Variants in LRFN5 observed in about 807,000 individuals in gnomAD.
The protein encoded by LRFN5 is leucine rich repeat and fibronectin type III domain containing 5.
In LRFN5, 24 loss-of-function variants were observed where a neutral mutation model predicts 45.6. That is an observed-to-expected ratio of 0.53 (90% CI 0.38 to 0.74). The LOEUF (loss-of-function observed/expected upper bound fraction) is 0.74, where lower values mean the gene tolerates loss of function less well. Ranked by LOEUF, LRFN5 falls within the 30% of genes least tolerant of loss-of-function variation. The probability of loss-of-function intolerance (pLI) is 0.00; values close to 1 mark genes in which losing one functional copy is unlikely to be tolerated. For missense variants in LRFN5, 776 were observed against 861.5 expected (o/e 0.90, Z 1.24); for synonymous variants, 340 against 313.8 (o/e 1.08, Z -0.88).
At chr14:41,675,589 C>G (rs921423625) in intron 1 of LRFN5, among the ~76,000 whole-genome samples, 4 of 151,742 alleles carry the variant, frequency 2.6e-5, no homozygotes, top group African/African-American at 7.3e-5. Context: ...AGAGGGAGAC[C>G]GTGGAAAGAG....
intron 2 of LRFN5, among the ~76,000 whole-genome samples, chr14:41,866,460 G>A (rs1889843813): frequency 1.3e-5 from 2 of 152,060 alleles, no homozygotes; most frequent in African/African-American, 2.4e-5. Context: ...CTTAGCATGA[G>A]ATAAAATCAC....
At chr14:41,809,765 T>C (rs1408871247) in intron 2 of LRFN5, among the ~76,000 whole-genome samples, 1 of 151,914 alleles carries the variant, frequency 6.6e-6, no homozygotes, top group African/African-American at 2.4e-5. Context: ...AGTGATAGCA[T>C]ATAGATTTAT....
chr14:41,829,558 G>T (rs1392745560), intron 2 of LRFN5, among the ~76,000 whole-genome samples: 1 of 151,600 alleles, frequency 6.6e-6, no homozygotes. Flanking sequence ...ATTAATGGTT[G>T]TGTTCCTCTT....
At chr14:41,779,339 G>T (rs916946035) in intron 2 of LRFN5, among the ~76,000 whole-genome samples, 4 of 151,732 alleles carry the variant, frequency 2.6e-5, no homozygotes, top group Admixed American at 2.0e-4. Flanking sequence ...TTTCATCATG[G>T]TGTATAATTT....
intron 1 of LRFN5, among the ~76,000 whole-genome samples, chr14:41,627,760 C>T: frequency 6.6e-6 from 1 of 152,126 alleles, no homozygotes; most frequent in East Asian, 1.9e-4. Flanking sequence ...TAATTATGTA[C>T]ATGAGTAATT....
chr14:41,757,270 A>G (rs540715041), intron 1 of LRFN5, among the ~76,000 whole-genome samples: 1 of 152,040 alleles, frequency 6.6e-6, no homozygotes, highest in South Asian at 2.1e-4. Flanking sequence ...GAGAACCACT[A>G]CTCTCTTCAA....
chr14:41,891,764 A>T lies in LRFN5; in HGVS notation c.1900A>T (p.Thr634Ser), dbSNP rs772629577. 3.1e-6 allele frequency: 5 copies of T among 1,614,058 alleles called. No individual in the cohort carries two copies. Among genetic ancestry groups the T allele is most frequent in the Non-Finnish European group, 4.2e-6 (5 of 1,180,028 alleles). ...TTTSALPPSW[T>S]SSTSVSQKQK... ...TACCTCTGCTTTGCCTCCTTCCTGGACTTCAAGCACTTCTGTGTCCCAAAA... is the reference window on the plus strand; with the variant it reads ...TACCTCTGCTTTGCCTCCTTCCTGGTCTTCAAGCACTTCTGTGTCCCAAAA... Residue 634 changes from threonine to serine, a missense_variant, in exon 4 of 6, where the codon ACT becomes TCT. By Grantham distance (58) the Thr-to-Ser change is moderately conservative. This residue lies in a region of LRFN5 where 465 missense variants were observed against 456.4 expected (regional missense o/e 1.02). Transcript: ENST00000298119.
At chr14:41,632,551 C>T (rs537724898) in intron 1 of LRFN5, among the ~76,000 whole-genome samples, 5 of 151,942 alleles carry the variant, frequency 3.3e-5, no homozygotes, top group Non-Finnish European at 5.9e-5. Context: ...TGCCGTGAGC[C>T]GAGATCGCAC....
rs1269395781 is a variant in LRFN5 at position 41,780,867 on chromosome 14, T to C, written c.-21+13838T>C. Among the ~76,000 whole-genome samples the C allele has an allele frequency of 2.6e-5, 4 of 152,134 alleles. No individual in the cohort carries two copies. In the East Asian group the frequency reaches 7.7e-4, roughly 29 times the overall value. On this transcript the variant is annotated intron_variant, in intron 2 of 5. Transcript: ENST00000298119. ...TTTATAGTACGGTTGCCCAAGTGTTTATAATATACATTTACCATAAATTAT... is the reference window on the plus strand; with the variant it reads ...TTTATAGTACGGTTGCCCAAGTGTTCATAATATACATTTACCATAAATTAT...
At chr14:41,613,180 A>G (rs1887814710) in intron 1 of LRFN5, among the ~76,000 whole-genome samples, 1 of 152,102 alleles carries the variant, frequency 6.6e-6, no homozygotes, top group Non-Finnish European at 1.5e-5. Context: ...GTTTTCATAG[A>G]CAATGTTTAA....
chr14:41,853,830 G>A (rs573386590), intron 2 of LRFN5, among the ~76,000 whole-genome samples: 1 of 152,230 alleles, frequency 6.6e-6, no homozygotes, highest in South Asian at 2.1e-4. Context: ...TTAGATACCA[G>A]CTAGAGGATT....
At chr14:41,761,224 A>G (rs750131091) in intron 1 of LRFN5, among the ~76,000 whole-genome samples, 17 of 151,544 alleles carry the variant, frequency 1.1e-4, no homozygotes, top group Non-Finnish European at 1.9e-4. Flanking sequence ...AGGTTTAAGT[A>G]TAAGTTGTTG....
intron 2 of LRFN5, among the ~76,000 whole-genome samples, chr14:41,808,861 C>T (rs1887642262): frequency 1.3e-5 from 2 of 152,070 alleles, no homozygotes. Context: ...TCCACTCCAG[C>T]TCCTAATCAC....
chr14:41,614,327 C>T (rs752251055), intron 1 of LRFN5, among the ~76,000 whole-genome samples: 153 of 151,856 alleles, frequency 1.0e-3, no homozygotes, highest in Non-Finnish European at 2.0e-3. Context: ...TTTGGAATCC[C>T]GCACTCAACA....
chr14:41,852,677 G>A (rs187221969), intron 2 of LRFN5, among the ~76,000 whole-genome samples: 31 of 151,906 alleles, frequency 2.0e-4, no homozygotes, highest in Admixed American at 2.0e-3. Flanking sequence ...TACCCATTAA[G>A]TTTTAAGCCC....
intron 2 of LRFN5, among the ~76,000 whole-genome samples, chr14:41,856,414 C>T (rs1053820960): frequency 7.9e-5 from 12 of 152,088 alleles, no homozygotes; most frequent in Non-Finnish European, 5.9e-5. Flanking sequence ...CTTCAAGGGG[C>T]TTCTATCTCT....
At chr14:41,814,884 A>G (rs1887863422) in intron 2 of LRFN5, among the ~76,000 whole-genome samples, 1 of 152,160 alleles carries the variant, frequency 6.6e-6, no homozygotes, top group African/African-American at 2.4e-5. Context: ...AAGCTTTGGT[A>G]TGAAGAAAGA....
At chr14:41,684,329 AAG>A (rs1882028582) in intron 1 of LRFN5, among the ~76,000 whole-genome samples, 1 of 152,042 alleles carries the variant, frequency 6.6e-6, no homozygotes, top group Non-Finnish European at 1.5e-5. Context: ...TTATAAAAGA[AAG>A]AGGTTTAACT....
intron 2 of LRFN5, among the ~76,000 whole-genome samples, chr14:41,867,030 T>C (rs574536217): frequency 6.6e-5 from 10 of 152,172 alleles, no homozygotes; most frequent in East Asian, 1.9e-4. Flanking sequence ...CACGAAGAAC[T>C]GTCTTCCAAA....
Sources: allele counts gnomAD v4.1 joint callset (sites outside exome capture counted in the v4.1 genomes callset), GRCh38; gene constraint gnomAD v4.1.1; regional missense constraint gnomAD v4.1.1; transcripts MANE v1.5; gene names NCBI Gene and HGNC (gene_info 2026-07-23, HGNC 2026-07-21).